The following ZNF81 variants were observed in gnomAD, a reference collection of about 807,000 sequenced individuals.
The protein encoded by ZNF81 is zinc finger protein 81 (HFZ20).
In ZNF81, 5 loss-of-function variants were observed where a neutral mutation model predicts 32.3. That is an observed-to-expected ratio of 0.15 (90% CI 0.08 to 0.33). ZNF81 has a LOEUF of 0.33. Among genes scored for constraint, ZNF81 ranks in the 10% least tolerant of loss-of-function variants. The probability of loss-of-function intolerance (pLI) is 1.00; values close to 1 mark genes in which losing one functional copy is unlikely to be tolerated. For missense variants in ZNF81, 379 were observed against 479.8 expected, an observed-to-expected ratio of 0.79 and a Z score of 1.96; for synonymous variants, 163 against 166.8, an observed-to-expected ratio of 0.98 and a Z score of 0.17.
At chrX:47,865,886 G>A (rs1280459075) in intron 2 of ZNF81, among the ~76,000 whole-genome samples, 1 of 111,733 alleles carries the variant, frequency 8.9e-6, no homozygotes, top group African/African-American at 3.3e-5. Context: ...CACCTCTGAT[G>A]GCAAAGGTGT....
Position 47,850,891 on chromosome X carries a change from GCACACACACACACACA to G in ZNF81, c.54+4599_54+4614del, listed in dbSNP as rs782209480. Reference sequence around the variant, plus strand: ...CGTGCACTCATTCACAGGCACGCGCGCACACACACACACACACACACACACACACACACACACACAC... The same window carrying G: ...CGTGCACTCATTCACAGGCACGCGCGCACACACACACACACACACACACAC... On this transcript the variant is annotated intron_variant, in intron 2 of 4. Coordinates refer to ENST00000338637, the MANE Select transcript of ZNF81 (RefSeq NM_007137.5). Among the ~76,000 whole-genome samples, 129 of 53,422 alleles carry G rather than the reference GCACACACACACACACA, an allele frequency of 2.4e-3. 3 individuals carry two copies. The South Asian group carries it at 0.076, about 31-fold the overall frequency. 46.4% of individuals were successfully genotyped at this position (53,422 alleles called of 115,157 possible).
chrX:47,874,576 C>T (rs2058592406), intron 2 of ZNF81, among the ~76,000 whole-genome samples: 1 of 112,270 alleles, frequency 8.9e-6, no homozygotes, highest in South Asian at 3.7e-4. Context: ...AGATTCTTAC[C>T]ATTTCAGGTT....
intron 2 of ZNF81, among the ~76,000 whole-genome samples, chrX:47,848,313 T>C (rs1463943370): frequency 2.7e-5 from 3 of 112,065 alleles, no homozygotes; most frequent in Non-Finnish European, 5.6e-5. Context: ...CTAAAACTCT[T>C]TTTATTTGGT....
Position 47,915,601 on chromosome X carries a change from A to G in ZNF81, c.955A>G (p.Ile319Val), listed in dbSNP as rs2058753895. The G allele has an allele frequency of 1.7e-6, 2 of 1,209,005 alleles. No individual in the cohort carries two copies. The highest frequency in any genetic ancestry group is 2.2e-6 in the Non-Finnish European group (2 of 894,158). The change falls in exon 5 of 5, where the codon ATA becomes GTA. Residue 319 changes from isoleucine to valine, a missense_variant. Physicochemically the swap from Ile to Val is conservative, Grantham distance 29. Coordinates refer to ENST00000338637, the MANE Select transcript of ZNF81 (RefSeq NM_007137.5). ...TTTTACACAGAAGCCACTACTCAGT[A>G]TATATCTGAGAGTTCATAGAGATGA... ...NVFTQKPLLS[I>V]YLRVHRDEKL...
At chrX:47,863,714 A>G (rs1032018262) in intron 2 of ZNF81, among the ~76,000 whole-genome samples, 2 of 112,078 alleles carry the variant, frequency 1.8e-5, no homozygotes, top group Non-Finnish European at 3.8e-5. Context: ...CACCTCCTTG[A>G]CCAGCTGGGA....
In ZNF81 at chrX:47,921,857, C is replaced by A. The variant is rs2058778148; in HGVS notation, c.*5225C>A. ...TGACTGTAAGCCAGATAGCTTGACT[C>A]ATGAGGGACCTTCAGCCAGAGGCAT... is the stretch of plus-strand genomic sequence containing the variant. On this transcript the variant is annotated 3_prime_UTR_variant, in exon 5 of 5. Coordinates refer to ENST00000338637, the MANE Select transcript of ZNF81 (RefSeq NM_007137.5). 1 of 111,418 alleles carries A rather than the reference C, an allele frequency of 9.0e-6. No individual in the cohort carries two copies. Among genetic ancestry groups the A allele is most frequent in the Non-Finnish European group, 1.9e-5 (1 of 53,096 alleles). 9.2% of individuals were successfully genotyped at this position (111,418 alleles called of 1,213,427 possible). A position where few individuals can be genotyped will look rare whatever the true frequency, so the allele number is the denominator to read the frequency against.
At position 47,917,204 on chromosome X, in the gene ZNF81, T is replaced by C. The variant is rs996790834; in HGVS notation, c.*572T>C. Reference sequence around the variant, plus strand: ...ATATGTCTATCAAATATGTTTCTTATTGAATATTTCTATCAAGTGAATCCA... The same window carrying C: ...ATATGTCTATCAAATATGTTTCTTACTGAATATTTCTATCAAGTGAATCCA... On this transcript the variant is annotated 3_prime_UTR_variant, in exon 5 of 5. Coordinates refer to ENST00000338637, the MANE Select transcript of ZNF81 (RefSeq NM_007137.5). 1.4e-5 allele frequency: 4 copies of C among 296,036 alleles called. No homozygotes were observed. The highest frequency in any genetic ancestry group is 1.8e-5 in the Non-Finnish European group (3 of 169,135). The allele number at this position is 296,036 out of a possible 1,213,427, so 24.4% of individuals were successfully genotyped here. A position where few individuals can be genotyped will look rare whatever the true frequency, so the allele number is the denominator to read the frequency against.
intron 3 of ZNF81, among the ~76,000 whole-genome samples, chrX:47,891,444 C>T (rs911841063): frequency 6.2e-5 from 7 of 112,248 alleles, no homozygotes; most frequent in Non-Finnish European, 1.3e-4. Context: ...CACTGATTTC[C>T]GCAATCCCTC....
chrX:47,913,075 A>G (rs1371098076), intron 4 of ZNF81, among the ~76,000 whole-genome samples: 1 of 111,930 alleles, frequency 8.9e-6, no homozygotes, highest in Admixed American at 9.5e-5. Context: ...GAGTATAGAC[A>G]TCTATTTATT....
chrX:47,915,088 A>G lies in ZNF81; in HGVS notation c.442A>G (p.Lys148Glu). Reference sequence around the variant, plus strand: ...AAAGAGATGTCAGGAAAAACACAACAAACTTCTGAGTCGCACTACTTTCCT... The same window carrying G: ...AAAGAGATGTCAGGAAAAACACAACGAACTTCTGAGTCGCACTACTTTCCT... ...QIKRCQEKHN[K>E]LLSRTTFLNK... The change falls in exon 5 of 5, where the codon AAA becomes GAA. Residue 148 changes from lysine (K) to glutamate (E), a missense_variant. This residue lies in a region of ZNF81 where 277 missense variants were observed against 306.6 expected (regional missense o/e 0.90). Transcript: ENST00000338637. The G allele has an allele frequency of 8.3e-7, 1 of 1,209,650 alleles. No homozygotes were observed.
chrX:47,836,933 C>T lies in ZNF81; in HGVS notation c.-218C>T. 1 of 231,966 alleles carries T rather than the reference C, an allele frequency of 4.3e-6. No homozygotes were observed. The highest frequency in any genetic ancestry group is 8.3e-6 in the Non-Finnish European group (1 of 120,382). 19.1% of individuals were successfully genotyped at this position (231,966 alleles called of 1,213,427 possible). ...GGCTGCGGTTCTCGCCGGTTCTCAGCCGGGGTTTGATAGTTGTCAGGAGGA... is the reference window on the plus strand; with the variant it reads ...GGCTGCGGTTCTCGCCGGTTCTCAGTCGGGGTTTGATAGTTGTCAGGAGGA... On this transcript the variant is annotated 5_prime_UTR_variant, in exon 1 of 5. Coordinates refer to ENST00000338637, the MANE Select transcript of ZNF81 (RefSeq NM_007137.5).
Position 47,915,610 on chromosome X carries a change from A to G in ZNF81, c.964A>G (p.Arg322Gly). The G allele has an allele frequency of 8.3e-7, 1 of 1,210,171 alleles. No individual in the cohort carries two copies. The highest frequency in any genetic ancestry group is 1.1e-6 in the Non-Finnish European group (1 of 894,375). The change falls in exon 5 of 5, where the codon AGA becomes GGA. Residue 322 changes from arginine (R) to glycine (G), a missense_variant. Physicochemically the swap from Arg to Gly is moderately radical, Grantham distance 125 (BLOSUM62 -2). Transcript: ENST00000338637. ...TQKPLLSIYLRVHRDEKLYIC... is the reference protein window; with the variant it reads ...TQKPLLSIYLGVHRDEKLYIC... ...GAAGCCACTACTCAGTATATATCTG[A>G]GAGTTCATAGAGATGAAAAACTCTA...
intron 2 of ZNF81, among the ~76,000 whole-genome samples, chrX:47,879,969 G>C (rs1179253663): frequency 2.7e-5 from 3 of 112,336 alleles, no homozygotes; most frequent in African/African-American, 9.7e-5. Flanking sequence ...TATTCTTGTG[G>C]TGTTATTTAA....
intron 1 of ZNF81, among the ~76,000 whole-genome samples, 177 bp from the exon 2 acceptor site, chrX:47,845,928 A>T (rs1395087441): frequency 2.7e-5 from 3 of 112,519 alleles, no homozygotes; most frequent in African/African-American, 9.7e-5. Flanking sequence ...TATTAATTTT[A>T]GTCCAAATCT....
At position 47,878,919 on chromosome X, in the gene ZNF81, T is replaced by C. The variant is rs184748460; in HGVS notation, c.55-9080T>C. On this transcript the variant is annotated intron_variant, in intron 2 of 4. Coordinates refer to ENST00000338637, the MANE Select transcript of ZNF81 (RefSeq NM_007137.5). Reference sequence around the variant, plus strand: ...CCTCAAGGCTCTAAGGAAAATTCCATTTCTTTGCCCTTTCCAGCCTCTAGA... The same window carrying C: ...CCTCAAGGCTCTAAGGAAAATTCCACTTCTTTGCCCTTTCCAGCCTCTAGA... Among the ~76,000 whole-genome samples the C allele has an allele frequency of 7.2e-5, 8 of 111,708 alleles. No individual in the cohort carries two copies. The East Asian group carries it at 2.3e-3, about 32-fold the overall frequency.
chrX:47,898,801 C>T (rs2058688573), intron 4 of ZNF81, among the ~76,000 whole-genome samples: 1 of 111,738 alleles, frequency 8.9e-6, no homozygotes, highest in African/African-American at 3.2e-5. Flanking sequence ...TTAAGTTTAT[C>T]CCTAAGTACT....
At chrX:47,912,091 C>T (rs1269756267) in intron 4 of ZNF81, among the ~76,000 whole-genome samples, 2 of 102,609 alleles carry the variant, frequency 1.9e-5, no homozygotes, top group African/African-American at 8.8e-5. Flanking sequence ...CTTTTTATTG[C>T]AGGAGCAAAT....
chrX:47,847,682 T>A (rs1353194799), intron 2 of ZNF81, among the ~76,000 whole-genome samples: 1 of 111,940 alleles, frequency 8.9e-6, no homozygotes, highest in Non-Finnish European at 1.9e-5. Context: ...TTCATCTTCC[T>A]TGGCTTACCC....
rs782399316 is a variant in ZNF81, at chrX:47,916,191, T to C, written c.1545T>C (p.Thr515=). Residue 515 remains threonine (T), a synonymous_variant, in exon 5 of 5, where the codon ACT becomes ACC. Coordinates refer to ENST00000338637, the MANE Select transcript of ZNF81 (RefSeq NM_007137.5). ...TCACCAACAGGTCAAATCTCAATAC[T>C]CACCAGAAGTCTCATACTGGAGAAA... is the stretch of plus-strand genomic sequence containing the variant. ...KAFTNRSNLN[T]HQKSHTGEKS... is the part of the protein sequence containing the mutation. 24 of 1,210,600 alleles carry C rather than the reference T, an allele frequency of 2.0e-5. No homozygotes were observed. In the South Asian group the frequency reaches 3.3e-4, roughly 17 times the overall value.
Sources: gnomAD v4.1 joint callset for allele counts (sites outside exome capture counted in the v4.1 genomes callset) on GRCh38, gnomAD v4.1.1 for gene constraint, gnomAD v4.1.1 regional missense constraint, MANE v1.5 for transcripts, NCBI Gene and HGNC (gene_info 2026-07-23, HGNC 2026-07-21) for gene names.